Variants in ASXL3 observed in about 807,000 individuals in gnomAD.
ASXL3 encodes the protein ASXL transcriptional regulator 3.
ASXL3 carries 34 observed loss-of-function variants against 170.6 expected under a neutral mutation model. The ratio of observed to expected loss-of-function variants is 0.20; its 90% CI spans 0.15 to 0.27. The LOEUF (loss-of-function observed/expected upper bound fraction) is 0.27. Among genes scored for constraint, ASXL3 ranks in the 10% least tolerant of loss-of-function variants. The pLI is 1.00. For synonymous variants in ASXL3, 1,002 were observed against 989.1 expected (o/e 1.01, Z -0.24); for missense variants, 2,592 against 2,695.3 (o/e 0.96, Z 0.85).
chr18:33,734,767 C>T (rs1427283690), intron 10 of ASXL3, among the ~76,000 whole-genome samples: 1 of 152,086 alleles, frequency 6.6e-6, no homozygotes, highest in Non-Finnish European at 1.5e-5. Context: ...TAATTTTAGT[C>T]ATGTATTTAA....
rs1326744933 is a variant in ASXL3 at position 33,717,786 on chromosome 18, C to G, written c.880-14182C>G. On this transcript the variant is annotated intron_variant, in intron 8 of 11. Transcript: ENST00000269197. ...TGGCCTTAGAGGATGATAGAGGAAC[C>G]AGGATATACAGAAATTAAAATAATA... Among the ~76,000 whole-genome samples, 4 of 151,942 alleles carry G rather than the reference C, an allele frequency of 2.6e-5. No individual in the cohort carries two copies. In the South Asian group the frequency reaches 8.3e-4, roughly 31 times the overall value.
At chr18:33,623,965 T>C (rs1384876) in intron 2 of ASXL3, among the ~76,000 whole-genome samples, 85,440 of 151,840 alleles carry the variant, frequency 0.56, 24,970 homozygotes, top group African/African-American at 0.69. Flanking sequence ...TTAAGACTAT[T>C]CTTGGAAATA....
chr18:33,687,451 T>TGAATATGAAGA (rs2066614709), intron 8 of ASXL3, among the ~76,000 whole-genome samples: 1 of 152,202 alleles, frequency 6.6e-6, no homozygotes, highest in African/African-American at 2.4e-5. Flanking sequence ...AATTACATCT[T>TGAATATGAAGA]CACATATTTT....
In ASXL3 at chr18:33,739,286, C is replaced by G. The variant is rs772119586; in HGVS notation, c.1882C>G (p.Pro628Ala). Reference sequence around the variant, plus strand: ...GGGAGCCTGTACCAGCCTGCCTTCTCCAGGAGGGGAAACACAGTCCACATC... The same window carrying G: ...GGGAGCCTGTACCAGCCTGCCTTCTGCAGGAGGGGAAACACAGTCCACATC... Reference protein sequence around the residue: ...PEGACTSLPSPGGETQSTSEE... With the variant: ...PEGACTSLPSAGGETQSTSEE... Residue 628 changes from proline to alanine, a missense_variant, in exon 11 of 12, where the codon CCA (proline) becomes GCA (alanine). Coordinates refer to ENST00000269197, the MANE Select transcript of ASXL3 (RefSeq NM_030632.3). The G allele has an allele frequency of 6.2e-7, 1 of 1,613,614 alleles. No individual in the cohort carries two copies.
chr18:33,578,724 C>T (rs996632808), intron 1 of ASXL3, 39 bp downstream of exon 1: 1 of 1,153,262 alleles, frequency 8.7e-7, no homozygotes, highest in Non-Finnish European at 1.1e-6. Context: ...CGCCTCCCGC[C>T]GGCCCCGCCG....
intron 1 of ASXL3, among the ~76,000 whole-genome samples, chr18:33,591,924 A>G (rs114944525): frequency 0.024 from 3,664 of 151,514 alleles, 97 homozygotes; most frequent in African/African-American, 0.068. Flanking sequence ...TACAGGCAAC[A>G]CTACTTATTT....
At chr18:33,586,159 A>G (rs984618133) in intron 1 of ASXL3, among the ~76,000 whole-genome samples, 2 of 152,132 alleles carry the variant, frequency 1.3e-5, no homozygotes, top group Admixed American at 1.3e-4. Flanking sequence ...TTTGTTTTCC[A>G]GCTCGGTCAT....
chr18:33,713,643 T>C (rs2067117630), intron 8 of ASXL3, among the ~76,000 whole-genome samples: 1 of 152,214 alleles, frequency 6.6e-6, no homozygotes, highest in South Asian at 2.1e-4. Context: ...TGTTCTAGGA[T>C]GTCAGCAGTC....
intron 8 of ASXL3, among the ~76,000 whole-genome samples, chr18:33,697,518 C>T (rs2066791568): frequency 6.6e-6 from 1 of 152,106 alleles, no homozygotes; most frequent in Non-Finnish European, 1.5e-5. Flanking sequence ...CTTATGATAT[C>T]TTAGGCAGAA....
rs1450847295 is a variant in ASXL3, at chr18:33,751,103, C to G, written c.*4508C>G. The G allele has an allele frequency of 6.6e-6, 1 of 152,148 alleles. No individual in the cohort carries two copies. The highest frequency in any genetic ancestry group is 2.4e-5 in the African/African-American group (1 of 41,442). 9.4% of individuals were successfully genotyped at this position (152,148 alleles called of 1,614,324 possible). A position where few individuals can be genotyped will look rare whatever the true frequency, so the allele number is the denominator to read the frequency against. ...GTTAAATGAAATGAAATGTTTGTCT[C>G]TTCATGTTTCTCTGTCTTTCCCTTT... On this transcript the variant is annotated 3_prime_UTR_variant, in exon 12 of 12. Coordinates refer to ENST00000269197, the MANE Select transcript of ASXL3 (RefSeq NM_030632.3).
At chr18:33,675,296 A>T (rs1278981116) in intron 7 of ASXL3, among the ~76,000 whole-genome samples, 1 of 152,176 alleles carries the variant, frequency 6.6e-6, no homozygotes, top group Non-Finnish European at 1.5e-5. Flanking sequence ...AGTGCAAAGG[A>T]GTGATCCCAC....
intron 8 of ASXL3, among the ~76,000 whole-genome samples, chr18:33,727,206 T>C (rs1288588096): frequency 6.6e-6 from 1 of 152,148 alleles, no homozygotes; most frequent in African/African-American, 2.4e-5. Flanking sequence ...TTAGCCACTT[T>C]CTAACTCCAG....
intron 8 of ASXL3, among the ~76,000 whole-genome samples, chr18:33,698,013 G>A (rs1040632333): frequency 6.6e-6 from 1 of 152,046 alleles, no homozygotes; most frequent in Non-Finnish European, 1.5e-5. Context: ...CATTAACTGA[G>A]ATAGGTAAAG....
Position 33,578,334 on chromosome 18 carries a change from C to G in ASXL3, c.-298C>G, listed in dbSNP as rs1293420524. 2 of 143,134 alleles carry G rather than the reference C, an allele frequency of 1.4e-5. No homozygotes were observed. Among genetic ancestry groups the G allele is most frequent in the Non-Finnish European group, 3.1e-5 (2 of 64,782 alleles). The allele number at this position is 143,134 out of a possible 1,614,324, so 8.9% of individuals were successfully genotyped here. On this transcript the variant is annotated 5_prime_UTR_variant, in exon 1 of 12. Transcript: ENST00000269197. ...GAGCGAGCCCGGCCGGCGCCGCCCCCGCCCCTGGCCCGGGCCCCGCTGCTG... is the reference window on the plus strand; with the variant it reads ...GAGCGAGCCCGGCCGGCGCCGCCCCGGCCCCTGGCCCGGGCCCCGCTGCTG...
chr18:33,632,762 G>A (rs1432222972), intron 2 of ASXL3, among the ~76,000 whole-genome samples: 2 of 152,198 alleles, frequency 1.3e-5, no homozygotes, highest in Non-Finnish European at 2.9e-5. Context: ...CTGCAGGCCA[G>A]TCCCGCAGGC....
rs750295443 is a variant in ASXL3 at position 33,745,416 on chromosome 18, G to A, written c.5568G>A (p.Gly1856=). ...GKLLVEPDVK[G]VPCVISSGIS... ...TGTTGGTGGAGCCAGATGTTAAAGG[G>A]GTGCCTTGTGTCATCAGTTCCGGCA... The change falls in exon 12 of 12, where the codon GGG becomes GGA. Residue 1856 remains glycine, a synonymous_variant. Coordinates refer to ENST00000269197, the MANE Select transcript of ASXL3 (RefSeq NM_030632.3). 29 of 1,613,914 alleles carry A rather than the reference G, an allele frequency of 1.8e-5. No homozygotes were observed. Among genetic ancestry groups the A allele is most frequent in the Non-Finnish European group, 2.2e-5 (26 of 1,179,896 alleles).
chr18:33,743,202 C>G lies in ASXL3; in HGVS notation c.3354C>G (p.Ala1118=). The change falls in exon 12 of 12, where the codon GCC becomes GCG. Residue 1118 remains alanine, a synonymous_variant. Coordinates refer to ENST00000269197, the MANE Select transcript of ASXL3 (RefSeq NM_030632.3). Reference sequence around the variant, plus strand: ...TCTTTGCAAAGCATCAAGCTCGAGCCCATCTCTTCCAGACCTCTAAAGAGA... The same window carrying G: ...TCTTTGCAAAGCATCAAGCTCGAGCGCATCTCTTCCAGACCTCTAAAGAGA... ...AKLFAKHQAR[A]HLFQTSKETR... 1 of 1,613,936 alleles carries G rather than the reference C, an allele frequency of 6.2e-7. No homozygotes were observed. Among genetic ancestry groups the G allele is most frequent in the Non-Finnish European group, 8.5e-7 (1 of 1,179,874 alleles).
intron 8 of ASXL3, among the ~76,000 whole-genome samples, chr18:33,725,348 A>C (rs1380422654): frequency 6.6e-6 from 1 of 152,170 alleles, no homozygotes; most frequent in Non-Finnish European, 1.5e-5. Context: ...TAGCACATCC[A>C]CAATACAGAT....
chr18:33,671,618 T>C (rs1340241946), intron 6 of ASXL3, 129 bp from the exon 7 acceptor site: 7 of 728,292 alleles, frequency 9.6e-6, no homozygotes, highest in Non-Finnish European at 1.5e-5. Context: ...GGGAATCAGA[T>C]TGTGGCCAAA....
Sources: allele counts gnomAD v4.1 joint callset (sites outside exome capture counted in the v4.1 genomes callset), GRCh38; gene constraint gnomAD v4.1.1; transcripts MANE v1.5; gene names NCBI Gene and HGNC (gene_info 2026-07-23, HGNC 2026-07-21).